The following NLGN4X variants were observed in gnomAD, a reference collection of about 807,000 sequenced individuals.
The protein encoded by NLGN4X is neuroligin-4, X-linked.
NLGN4X carries 3 observed loss-of-function variants against 40.3 expected under a neutral mutation model. That is an observed-to-expected ratio of 0.07 (90% CI 0.03 to 0.19). The LOEUF is 0.19. NLGN4X is among the 10% of genes least tolerant of loss of function. NLGN4X has a pLI of 1.00. For synonymous variants in NLGN4X, 270 were observed against 306.8 expected (o/e 0.88, Z 1.25); for missense variants, 382 against 708.3 (o/e 0.54, Z 5.23).
chrX:5,967,862 C>T (rs1192151687), intron 3 of NLGN4X, among the ~76,000 whole-genome samples: 3 of 111,148 alleles, frequency 2.7e-5, no homozygotes, highest in South Asian at 3.9e-4. Context: ...GCTCACCCTG[C>T]AGGTAGTGTG....
intron 3 of NLGN4X, among the ~76,000 whole-genome samples, chrX:5,938,955 T>C (rs1443743270): frequency 9.7e-6 from 1 of 102,692 alleles, no homozygotes; most frequent in Non-Finnish European, 2.0e-5. Context: ...GTGTTTGTAT[T>C]TGTGTGTGTG....
chrX:6,205,536 T>C (rs1243455378), intron 1 of NLGN4X, among the ~76,000 whole-genome samples: 1 of 112,840 alleles, frequency 8.9e-6, no homozygotes, highest in Non-Finnish European at 1.9e-5. Flanking sequence ...AACAAAACTC[T>C]ATGTCCATAC....
rs1163503452 is a variant in NLGN4X, at chrX:6,151,502, G to C, written c.-36C>G. 2.7e-5 allele frequency: 31 copies of C among 1,131,126 alleles called. No homozygotes were observed. The highest frequency in any genetic ancestry group is 3.5e-5 in the Non-Finnish European group (29 of 824,360). The allele number at this position is 1,131,126 out of a possible 1,213,427, so 93.2% of individuals were successfully genotyped here. A position where few individuals can be genotyped will look rare whatever the true frequency, so the allele number is the denominator to read the frequency against. ...TGCATCCACATCCACAGCTGTCCCAGTGATGTGGCTCCAAGGAGACAAAGC... is the reference window on the plus strand; with the variant it reads ...TGCATCCACATCCACAGCTGTCCCACTGATGTGGCTCCAAGGAGACAAAGC... On this transcript the variant is annotated 5_prime_UTR_variant, in exon 2 of 6. Coordinates refer to ENST00000381095, the MANE Select transcript of NLGN4X (RefSeq NM_181332.3).
intron 2 of NLGN4X, among the ~76,000 whole-genome samples, chrX:6,082,200 T>G (rs1432843843): frequency 8.9e-6 from 1 of 112,081 alleles, no homozygotes. Flanking sequence ...AAATCATTTG[T>G]TGATTATTAT....
Position 6,151,649 on chromosome X carries a change from C to T in NLGN4X, c.-183G>A, listed in dbSNP as rs970059676. 2.4e-5 allele frequency: 11 copies of T among 456,930 alleles called. No individual in the cohort carries two copies. In the African/African-American group the frequency reaches 2.7e-4, roughly 11 times the overall value. 37.7% of individuals were successfully genotyped at this position (456,930 alleles called of 1,213,427 possible). A position where few individuals can be genotyped will look rare whatever the true frequency, so the allele number is the denominator to read the frequency against. On this transcript the variant is annotated 5_prime_UTR_variant, in exon 2 of 6. Coordinates refer to ENST00000381095, the MANE Select transcript of NLGN4X (RefSeq NM_181332.3). ...CAAGCACAGCCGTTTTCTTGGCAGC[C>T]CATTGCAAGGAGGCAGCCCTCCCTT...
At chrX:6,212,783 C>G (rs1200695820) in intron 1 of NLGN4X, among the ~76,000 whole-genome samples, 1 of 111,648 alleles carries the variant, frequency 9.0e-6, no homozygotes, top group Non-Finnish European at 1.9e-5. Context: ...ACCATTGAGT[C>G]CCCTCATTTA....
chrX:5,953,516 C>A (rs999859365), intron 3 of NLGN4X, among the ~76,000 whole-genome samples: 1 of 111,601 alleles, frequency 9.0e-6, no homozygotes, highest in Non-Finnish European at 1.9e-5. Context: ...TGATGAATGC[C>A]CCAATTACCC....
chrX:6,059,546 C>T (rs927653720), intron 2 of NLGN4X, among the ~76,000 whole-genome samples: 1 of 111,801 alleles, frequency 8.9e-6, no homozygotes. Flanking sequence ...CTCAGCAAGA[C>T]GTTGGCTCCT....
At chrX:5,997,725 C>T (rs1425925161) in intron 3 of NLGN4X, among the ~76,000 whole-genome samples, 1 of 108,402 alleles carries the variant, frequency 9.2e-6, no homozygotes, top group Non-Finnish European at 1.9e-5. Context: ...ATCCTCAAAA[C>T]ACCATAAGAC....
chrX:6,043,800 G>C (rs1323365762), intron 2 of NLGN4X, among the ~76,000 whole-genome samples: 1 of 111,428 alleles, frequency 9.0e-6, no homozygotes, highest in Non-Finnish European at 1.9e-5. Flanking sequence ...TGTAATAGAG[G>C]CTATAAAGGC....
At chrX:6,032,069 C>T (rs1020792256) in intron 2 of NLGN4X, among the ~76,000 whole-genome samples, 10 of 96,246 alleles carry the variant, frequency 1.0e-4, no homozygotes, top group African/African-American at 3.8e-4. Context: ...CCCCACCCCC[C>T]CTTAAATGCT....
At chrX:5,977,090 C>T (rs185706378) in intron 3 of NLGN4X, among the ~76,000 whole-genome samples, 2 of 112,610 alleles carry the variant, frequency 1.8e-5, no homozygotes, top group East Asian at 5.6e-4. Flanking sequence ...AAGAGATACA[C>T]GTTTAGAAGT....
intron 2 of NLGN4X, among the ~76,000 whole-genome samples, chrX:6,096,385 C>T (rs1386873627): frequency 8.9e-6 from 1 of 111,788 alleles, no homozygotes; most frequent in African/African-American, 3.2e-5. Context: ...TATCTGAAAT[C>T]ACAGCCATCA....
intron 1 of NLGN4X, among the ~76,000 whole-genome samples, chrX:6,201,947 G>C (rs1344039153): frequency 9.0e-6 from 1 of 111,470 alleles, no homozygotes; most frequent in Non-Finnish European, 1.9e-5. Context: ...ACGGAAGGAA[G>C]AGGAGTGATT....
intron 5 of NLGN4X, among the ~76,000 whole-genome samples, chrX:5,897,780 C>G (rs2031584845): frequency 8.9e-6 from 1 of 112,247 alleles, no homozygotes; most frequent in African/African-American, 3.2e-5. Context: ...TGCGTACTCG[C>G]TGACTCCGCC....
chrX:5,917,709 C>G (rs2032865280), intron 3 of NLGN4X, among the ~76,000 whole-genome samples: 1 of 110,231 alleles, frequency 9.1e-6, no homozygotes, highest in Admixed American at 9.6e-5. Context: ...ATATCAGAAG[C>G]CATGCAGTTT....
chrX:6,225,899 C>CACA, intron 1 of NLGN4X, among the ~76,000 whole-genome samples: 1 of 84,435 alleles, frequency 1.2e-5, no homozygotes, highest in Non-Finnish European at 2.2e-5. Flanking sequence ...CCGCCCCCCC[C>CACA]AAAAAAAATG....
intron 2 of NLGN4X, among the ~76,000 whole-genome samples, chrX:6,092,598 T>C (rs2038668624): frequency 8.9e-6 from 1 of 112,267 alleles, no homozygotes; most frequent in Non-Finnish European, 1.9e-5. Context: ...CACTGAGGTA[T>C]TATAGGTGCT....
At chrX:6,214,368 C>G (rs1261575435) in intron 1 of NLGN4X, among the ~76,000 whole-genome samples, 1 of 111,496 alleles carries the variant, frequency 9.0e-6, no homozygotes, top group Non-Finnish European at 1.9e-5. Flanking sequence ...TTTTACAAGA[C>G]CCTCCAAGAG....
Sources: gnomAD v4.1 joint callset for allele counts (sites outside exome capture counted in the v4.1 genomes callset) on GRCh38, gnomAD v4.1.1 for gene constraint, MANE v1.5 for transcripts, NCBI Gene and HGNC (gene_info 2026-07-23, HGNC 2026-07-21) for gene names.